RASA2: variants seen among roughly 807,000 people sequenced by gnomAD.
The protein encoded by RASA2 is RAS p21 protein activator 2, also known as ras GTPase-activating protein 2.
A neutral mutation model predicts 118.2 loss-of-function variants in RASA2; 155 were observed. The observed-to-expected ratio is 1.31, with a 90% confidence interval of 1.15 to 1.50. The LOEUF (loss-of-function observed/expected upper bound fraction) is 1.50, where lower values mean the gene tolerates loss of function less well. Ranked by LOEUF, RASA2 falls within the 40% of genes most tolerant of loss-of-function variation. RASA2 has a pLI of 0.00. For missense variants in RASA2, 1,016 were observed against 1,009.6 expected (o/e 1.01, Z -0.09); for synonymous variants, 353 against 349.1 (o/e 1.01, Z -0.12).
intron 3 of RASA2, among the ~76,000 whole-genome samples, chr3:141,528,227 A>G (rs549987215): frequency 7.2e-5 from 11 of 152,072 alleles, no homozygotes; most frequent in African/African-American, 2.6e-4. Context: ...TTTCTTTAAA[A>G]TTAGATGTAT....
intron 1 of RASA2, among the ~76,000 whole-genome samples, chr3:141,507,365 T>C (rs1221954502): frequency 6.6e-6 from 1 of 152,222 alleles, no homozygotes; most frequent in Non-Finnish European, 1.5e-5. Flanking sequence ...AAAAAAATTT[T>C]AAGTGGCTTA....
intron 9 of RASA2, among the ~76,000 whole-genome samples, chr3:141,560,701 TG>T (rs1336651822): frequency 6.6e-6 from 1 of 152,206 alleles, no homozygotes; most frequent in Non-Finnish European, 1.5e-5. Context: ...CTTAAAAGCG[TG>T]TGTATCCTTT....
At chr3:141,599,605 T>A (rs1436499192) in intron 19 of RASA2, among the ~76,000 whole-genome samples, 4 of 152,162 alleles carry the variant, frequency 2.6e-5, no homozygotes, top group Non-Finnish European at 4.4e-5. Flanking sequence ...ACAGGAGGTA[T>A]AAGTGAATTT....
At chr3:141,505,946 G>A (rs1215212175) in intron 1 of RASA2, among the ~76,000 whole-genome samples, 1 of 152,122 alleles carries the variant, frequency 6.6e-6, no homozygotes, top group African/African-American at 2.4e-5. Flanking sequence ...TTTATATTTG[G>A]ACAAAATCAT....
intron 9 of RASA2, among the ~76,000 whole-genome samples, chr3:141,567,962 C>T (rs2082848629): frequency 6.6e-6 from 1 of 152,030 alleles, no homozygotes; most frequent in Admixed American, 6.6e-5. Flanking sequence ...TTTCCCAGAC[C>T]CAAAAAGCAA....
At chr3:141,577,217 C>T in intron 15 of RASA2, 111 bp downstream of exon 15, 3 of 749,102 alleles carry the variant, frequency 4.0e-6, no homozygotes, top group Non-Finnish European at 6.2e-6. Flanking sequence ...ATAACTGATA[C>T]TTAAATTTAC....
chr3:141,592,792 A>G (rs1367410033), intron 19 of RASA2, among the ~76,000 whole-genome samples: 1 of 152,124 alleles, frequency 6.6e-6, no homozygotes, highest in East Asian at 1.9e-4. Flanking sequence ...CCTTTTTAAA[A>G]ATAGATAAAG....
chr3:141,576,087 G>A (rs1485309708), intron 14 of RASA2, among the ~76,000 whole-genome samples: 1 of 152,170 alleles, frequency 6.6e-6, no homozygotes, highest in East Asian at 1.9e-4. Flanking sequence ...AACACTTTAT[G>A]TTTTTATATA....
At chr3:141,541,587 T>A (rs970228663) in intron 5 of RASA2, among the ~76,000 whole-genome samples, 1 of 152,110 alleles carries the variant, frequency 6.6e-6, no homozygotes, top group Non-Finnish European at 1.5e-5. Context: ...CAATACTTTT[T>A]AAAAATCTAT....
intron 19 of RASA2, among the ~76,000 whole-genome samples, chr3:141,595,918 C>A (rs2083358724): frequency 6.6e-6 from 1 of 152,174 alleles, no homozygotes; most frequent in Non-Finnish European, 1.5e-5. Flanking sequence ...TGCACCTGGC[C>A]TGTACTTGAA....
At position 141,574,076 on chromosome 3, in the gene RASA2, C is replaced by A. The variant is rs757352232; in HGVS notation, c.1483+9C>A. 1 of 1,442,320 alleles carries A rather than the reference C, an allele frequency of 6.9e-7. No individual in the cohort carries two copies. The highest frequency in any genetic ancestry group is 2.6e-5 in the East Asian group (1 of 38,574). The allele number at this position is 1,442,320 out of a possible 1,614,324, so 89.3% of individuals were successfully genotyped here. A position where few individuals can be genotyped will look rare whatever the true frequency, so the allele number is the denominator to read the frequency against. The stretch of plus-strand genomic sequence containing the variant: ...TACTCAGAGATTTCCTAGTAAGTGC[C>A]TTGTTTTACTAAAACATGCCATTTA... On this transcript the variant is annotated intron_variant, in intron 14 of 23. Coordinates refer to ENST00000286364, the MANE Select transcript of RASA2 (RefSeq NM_006506.5).
Position 141,540,719 on chromosome 3 carries a change from A to G in RASA2, c.527+110A>G. 13 of 853,804 alleles carry G rather than the reference A, an allele frequency of 1.5e-5. 1 individual carries two copies. The South Asian group carries it at 2.2e-4, about 14-fold the overall frequency. The allele number at this position is 853,804 out of a possible 1,614,324, so 52.9% of individuals were successfully genotyped here. A position where few individuals can be genotyped will look rare whatever the true frequency, so the allele number is the denominator to read the frequency against. The stretch of plus-strand genomic sequence containing the variant: ...CTTCAGAAACTTTTTTCAAAAATGA[A>G]ATTCTGCTATGTCATTCCTTTTGTG... On this transcript the variant is annotated intron_variant, in intron 5 of 23. Transcript: ENST00000286364.
At chr3:141,524,407 A>G (rs1369698931) in intron 3 of RASA2, among the ~76,000 whole-genome samples, 1 of 152,112 alleles carries the variant, frequency 6.6e-6, no homozygotes, top group East Asian at 1.9e-4. Context: ...GGAGTTATGG[A>G]GGCCATTAAT....
chr3:141,511,944 G>A (rs181858824), intron 1 of RASA2, among the ~76,000 whole-genome samples: 11 of 151,932 alleles, frequency 7.2e-5, no homozygotes, highest in South Asian at 2.1e-4. Context: ...ATGCAATTAC[G>A]TAATATAAAA....
chr3:141,543,032 A>G lies in RASA2; in HGVS notation c.527+2423A>G, dbSNP rs540210782. ...TGGTGAGTTTTTTCCATTTATTTTT[A>G]ATGTAATTATTGAATATTAGGCTTA... is the stretch of plus-strand genomic sequence containing the variant. On this transcript the variant is annotated intron_variant, in intron 5 of 23. Transcript: ENST00000286364. Among the ~76,000 whole-genome samples, 10 of 151,946 alleles carry G rather than the reference A, an allele frequency of 6.6e-5. No individual in the cohort carries two copies. In the South Asian group the frequency reaches 2.1e-3, roughly 32 times the overall value.
At chr3:141,528,728 A>T (rs921053453) in intron 3 of RASA2, among the ~76,000 whole-genome samples, 3 of 151,944 alleles carry the variant, frequency 2.0e-5, no homozygotes, top group Non-Finnish European at 4.4e-5. Flanking sequence ...TTGATATACA[A>T]AAGTTGACGT....
At chr3:141,556,978 A>G (rs531945950) in intron 7 of RASA2, among the ~76,000 whole-genome samples, 1 of 152,306 alleles carries the variant, frequency 6.6e-6, no homozygotes, top group East Asian at 1.9e-4. Context: ...TTCTACGTTT[A>G]TTAATGGCGG....
At chr3:141,501,261 C>T (rs2081774931) in intron 1 of RASA2, among the ~76,000 whole-genome samples, 1 of 152,118 alleles carries the variant, frequency 6.6e-6, no homozygotes, top group Non-Finnish European at 1.5e-5. Flanking sequence ...TCCATTGATT[C>T]TGTAACAAAG....
intron 19 of RASA2, among the ~76,000 whole-genome samples, chr3:141,605,062 TG>T (rs1224390652): frequency 3.3e-5 from 5 of 152,114 alleles, no homozygotes; most frequent in Non-Finnish European, 7.4e-5. Flanking sequence ...GATGTCACTC[TG>T]ATTCTCAGTC....
Sources: gnomAD v4.1 joint callset for allele counts (sites outside exome capture counted in the v4.1 genomes callset) on GRCh38, gnomAD v4.1.1 for gene constraint, MANE v1.5 for transcripts, NCBI Gene and HGNC (gene_info 2026-07-23, HGNC 2026-07-21) for gene names.